The following FAM110B variants were observed in gnomAD, a reference collection of about 807,000 sequenced individuals.
The protein encoded by FAM110B is family with sequence similarity 110 member B.
A neutral mutation model predicts 20.4 loss-of-function variants in FAM110B; 6 were observed. That is an observed-to-expected ratio of 0.29 (90% CI 0.16 to 0.58). The LOEUF (loss-of-function observed/expected upper bound fraction) is 0.58, where lower values mean the gene tolerates loss of function less well. FAM110B is among the 20% of genes least tolerant of loss of function. The pLI, the probability that FAM110B is intolerant of heterozygous loss-of-function variation, is 0.90. For synonymous variants in FAM110B, 226 were observed against 214.1 expected, an observed-to-expected ratio of 1.06 and a Z score of -0.49; for missense variants, 434 against 498.2, an observed-to-expected ratio of 0.87 and a Z score of 1.23.
At chr8:58,021,167 A>G (rs1238173926) in intron 1 of FAM110B, among the ~76,000 whole-genome samples, 1 of 152,156 alleles carries the variant, frequency 6.6e-6, no homozygotes, top group South Asian at 2.1e-4. Flanking sequence ...TTGCCCCCGG[A>G]TGCTGATTGG....
At position 58,007,688 on chromosome 8, in the gene FAM110B, C is replaced by T. The variant is rs533560585; in HGVS notation, c.-512+12882C>T. 2.6e-4 allele frequency among the ~76,000 whole-genome samples: 39 copies of T among 152,284 alleles called. No homozygotes were observed. The South Asian group carries it at 6.4e-3, about 25-fold the overall frequency. On this transcript the variant is annotated intron_variant, in intron 1 of 3. Transcript: ENST00000519262. ...GTGTGAGAAGACAGTGAGAAGGTGC[C>T]ACCTGGGAACCAGGAAGGGGACCCT...
At chr8:58,125,410 T>C (rs1392540030) in intron 3 of FAM110B, among the ~76,000 whole-genome samples, 1 of 152,228 alleles carries the variant, frequency 6.6e-6, no homozygotes. Context: ...TTGTTTCTTA[T>C]CTCATCTTCT....
chr8:58,081,403 C>T (rs1585869257), intron 3 of FAM110B, among the ~76,000 whole-genome samples: 6 of 152,224 alleles, frequency 3.9e-5, no homozygotes, highest in Non-Finnish European at 5.9e-5. Flanking sequence ...GACAGGGCTT[C>T]GCCATATTGG....
Position 58,147,329 on chromosome 8 carries a change from G to C in FAM110B, c.1099G>C (p.Val367Leu). The change falls in exon 4 of 4, where the codon GTC becomes CTC. Residue 367 changes from valine to leucine, a missense_variant. Physicochemically the swap from Val to Leu is conservative, Grantham distance 32. Around this residue, in one of 3 missense-constraint regions of FAM110B, gnomAD observed 94 missense variants for 137.8 expected, o/e 0.68. Coordinates refer to ENST00000519262, the MANE Select transcript of FAM110B (RefSeq NM_001377989.1). The stretch of plus-strand genomic sequence containing the variant: ...CAAACAAGCTAGAGAGTCACAGAAG[G>C]TCTCCCATGTGTAAGACAGTGCGTG... ...SIKQARESQK[V>L]SHV is the part of the protein sequence containing the mutation. 6.2e-7 allele frequency: 1 copy of C among 1,613,540 alleles called. No homozygotes were observed. Among genetic ancestry groups the C allele is most frequent in the Non-Finnish European group, 8.5e-7 (1 of 1,179,670 alleles).
chr8:58,140,870 T>G (rs1323568666), intron 3 of FAM110B, among the ~76,000 whole-genome samples: 2 of 152,222 alleles, frequency 1.3e-5, no homozygotes, highest in African/African-American at 4.8e-5. Context: ...CCTGCCAAAT[T>G]TATTTTCTAC....
intron 3 of FAM110B, among the ~76,000 whole-genome samples, chr8:58,136,518 T>G (rs1009445186): frequency 6.6e-6 from 1 of 152,182 alleles, no homozygotes; most frequent in Non-Finnish European, 1.5e-5. Context: ...GCGGCATTCT[T>G]ATTGTATTTG....
chr8:58,113,880 A>G (rs17254424), intron 3 of FAM110B, among the ~76,000 whole-genome samples: 12,933 of 152,318 alleles, frequency 0.085, 744 homozygotes, highest in Non-Finnish European at 0.13. Flanking sequence ...TTCATAAAGC[A>G]AGGAAAGAAG....
chr8:58,023,541 G>A (rs993359906), intron 1 of FAM110B, among the ~76,000 whole-genome samples: 1 of 152,150 alleles, frequency 6.6e-6, no homozygotes, highest in Non-Finnish European at 1.5e-5. Context: ...AAGGAAGGTG[G>A]CCCTACCATT....
chr8:58,068,966 A>G (rs1438308750), intron 2 of FAM110B, among the ~76,000 whole-genome samples: 1 of 152,234 alleles, frequency 6.6e-6, no homozygotes, highest in Non-Finnish European at 1.5e-5. Flanking sequence ...AAAAATAATT[A>G]GAAGCCCTTA....
Position 58,088,267 on chromosome 8 carries a change from C to CAT in FAM110B, c.-325+12653_-325+12654dup, listed in dbSNP as rs1024466704. On this transcript the variant is annotated intron_variant, in intron 3 of 3. Transcript: ENST00000519262. ...CCATTGAACTTTATTTTGCTTCATT[C>CAT]ATATATATATTCAGTGAGTCTTCCC... Among the ~76,000 whole-genome samples the CAT allele has an allele frequency of 1.6e-4, 25 of 152,188 alleles. No homozygotes were observed. In the East Asian group the frequency reaches 3.5e-3, roughly 21 times the overall value.
intron 3 of FAM110B, among the ~76,000 whole-genome samples, chr8:58,141,652 T>G (rs1226153947): frequency 6.6e-6 from 1 of 152,244 alleles, no homozygotes; most frequent in African/African-American, 2.4e-5. Flanking sequence ...CCTTTTCTTT[T>G]TCATTACCAG....
intron 3 of FAM110B, among the ~76,000 whole-genome samples, chr8:58,111,138 A>G (rs1325594681): frequency 6.6e-6 from 1 of 152,234 alleles, no homozygotes. Flanking sequence ...TTTTGTATTT[A>G]TGTACAAGCC....
chr8:58,064,069 A>G (rs1306211503), intron 2 of FAM110B, among the ~76,000 whole-genome samples: 2 of 152,172 alleles, frequency 1.3e-5, no homozygotes, highest in African/African-American at 4.8e-5. Context: ...GGAAGGTGCC[A>G]CACATTTTTA....
At chr8:58,112,960 C>T (rs1287835664) in intron 3 of FAM110B, among the ~76,000 whole-genome samples, 1 of 152,182 alleles carries the variant, frequency 6.6e-6, no homozygotes, top group Non-Finnish European at 1.5e-5. Context: ...AAGATGCCAA[C>T]AGATTTCGTG....
At position 57,999,363 on chromosome 8, in the gene FAM110B, A is replaced by G. The variant is rs534579248; in HGVS notation, c.-512+4557A>G. Among the ~76,000 whole-genome samples, 5 of 152,332 alleles carry G rather than the reference A, an allele frequency of 3.3e-5. No individual in the cohort carries two copies. In the East Asian group the frequency reaches 9.6e-4, roughly 29 times the overall value. On this transcript the variant is annotated intron_variant, in intron 1 of 3. Transcript: ENST00000519262. ...AGTTCCAGATGAGGCTTTTAAAAAT[A>G]CAATTCACAGACATATGGGAAATTT...
At position 58,083,270 on chromosome 8, in the gene FAM110B, AGAG is replaced by A. The variant is rs572342655; in HGVS notation, c.-325+7651_-325+7653del. Among the ~76,000 whole-genome samples, 7 of 152,200 alleles carry A rather than the reference AGAG, an allele frequency of 4.6e-5. No homozygotes were observed. The South Asian group carries it at 8.3e-4, about 18-fold the overall frequency. On this transcript the variant is annotated intron_variant, in intron 3 of 3. Transcript: ENST00000519262. ...AGGCAAAAATGAAGTCAGAAACAAAAGAGGAGAAGAAACAGAAGAAACTGGGTT... is the reference window on the plus strand; with the variant it reads ...AGGCAAAAATGAAGTCAGAAACAAAAGAGAAGAAACAGAAGAAACTGGGTT...
intron 3 of FAM110B, among the ~76,000 whole-genome samples, chr8:58,121,074 G>A (rs1355987839): frequency 6.6e-6 from 1 of 152,236 alleles, no homozygotes; most frequent in Non-Finnish European, 1.5e-5. Flanking sequence ...GCAGGAGACA[G>A]ACAATAAATG....
chr8:58,111,369 GT>G (rs1807054403), intron 3 of FAM110B, among the ~76,000 whole-genome samples: 1 of 152,068 alleles, frequency 6.6e-6, no homozygotes, highest in Non-Finnish European at 1.5e-5. Flanking sequence ...TTCATTTTCT[GT>G]TTTTTAAACT....
chr8:58,005,352 G>T (rs1277860268), intron 1 of FAM110B, among the ~76,000 whole-genome samples: 1 of 152,094 alleles, frequency 6.6e-6, no homozygotes, highest in Non-Finnish European at 1.5e-5. Flanking sequence ...CAATTACAAT[G>T]GTAACATTGA....
Sources: allele counts gnomAD v4.1 joint callset (sites outside exome capture counted in the v4.1 genomes callset), GRCh38; gene constraint gnomAD v4.1.1; regional missense constraint gnomAD v4.1.1; transcripts MANE v1.5; gene names NCBI Gene and HGNC (gene_info 2026-07-23, HGNC 2026-07-21).